CLCN3: variants seen among roughly 807,000 people sequenced by gnomAD.
The protein encoded by CLCN3 is Cl-/H+ antiporter 3.
Under a neutral mutation model 83.4 loss-of-function variants are expected in CLCN3, and 16 were observed. That is an observed-to-expected ratio of 0.19 (90% CI 0.13 to 0.29). CLCN3 has a LOEUF of 0.29. Ranked by LOEUF, CLCN3 falls within the 10% of genes least tolerant of loss-of-function variation. The pLI, the probability that CLCN3 is intolerant of heterozygous loss-of-function variation, is 1.00. For synonymous variants in CLCN3, 322 were observed against 346.2 expected (o/e 0.93, Z 0.78); for missense variants, 544 against 1,006.0 (o/e 0.54, Z 6.21).
chr4:169,651,663 A>C, intron 2 of CLCN3, among the ~76,000 whole-genome samples: 1 of 152,228 alleles, frequency 6.6e-6, no homozygotes, highest in Non-Finnish European at 1.5e-5. Flanking sequence ...GACAAGAAGA[A>C]GAAGCCTGTT....
chr4:169,723,221 C>T lies in CLCN3; in HGVS notation c.*3224C>T, dbSNP rs1295886446. On this transcript the variant is annotated 3_prime_UTR_variant, in exon 13 of 13. Coordinates refer to ENST00000513761, the MANE Select transcript of CLCN3 (RefSeq NM_001829.4). ...GGCCTTTAATTATATCTGTAACAGT[C>T]CTCCCTCTTCACTGCTGCCCTACGC... 6.6e-6 allele frequency: 1 copy of T among 152,158 alleles called. No homozygotes were observed. The highest frequency in any genetic ancestry group is 6.5e-5 in the Admixed American group (1 of 15,280). The allele number at this position is 152,158 out of a possible 1,614,324, so 9.4% of individuals were successfully genotyped here.
chr4:169,635,087 T>G (rs1773469977), intron 1 of CLCN3, among the ~76,000 whole-genome samples: 1 of 152,180 alleles, frequency 6.6e-6, no homozygotes. Context: ...AATTGAACTG[T>G]GCTTACTTTA....
intron 2 of CLCN3, among the ~76,000 whole-genome samples, chr4:169,637,255 G>A (rs1345601848): frequency 6.6e-6 from 1 of 151,208 alleles, no homozygotes; most frequent in Non-Finnish European, 1.5e-5. Context: ...ATACATGTAC[G>A]GTATTGCAGT....
chr4:169,638,679 A>G lies in CLCN3; in HGVS notation c.160+2591A>G, dbSNP rs1278218609. On this transcript the variant is annotated intron_variant, in intron 2 of 12. Transcript: ENST00000513761. Reference sequence around the variant, plus strand: ...AAGAGCTGACTCCTTCCACCTTCCCACGTTGCCGTCAAGTGCTGGTGATGT... The same window carrying G: ...AAGAGCTGACTCCTTCCACCTTCCCGCGTTGCCGTCAAGTGCTGGTGATGT... Among the ~76,000 whole-genome samples, 7 of 152,252 alleles carry G rather than the reference A, an allele frequency of 4.6e-5. No homozygotes were observed. In the East Asian group the frequency reaches 1.4e-3, roughly 29 times the overall value.
intron 2 of CLCN3, among the ~76,000 whole-genome samples, chr4:169,636,751 T>C (rs1432345877): frequency 6.7e-6 from 1 of 149,440 alleles, no homozygotes; most frequent in South Asian, 2.1e-4. Context: ...TTTTTTTTTT[T>C]CATATTTTGG....
chr4:169,622,949 A>C (rs913200721), intron 1 of CLCN3, among the ~76,000 whole-genome samples: 2 of 152,198 alleles, frequency 1.3e-5, no homozygotes, highest in Non-Finnish European at 2.9e-5. Context: ...AAACATTTTA[A>C]TTTTTTAAAT....
chr4:169,712,752 T>G (rs1299443819), intron 11 of CLCN3, among the ~76,000 whole-genome samples: 1 of 152,320 alleles, frequency 6.6e-6, no homozygotes, highest in Non-Finnish European at 1.5e-5. Context: ...GTGCAGGTTT[T>G]AAAATCCCGT....
chr4:169,683,761 T>C (rs1732041840), intron 3 of CLCN3, among the ~76,000 whole-genome samples: 1 of 152,044 alleles, frequency 6.6e-6, no homozygotes, highest in South Asian at 2.1e-4. Context: ...TTTTTTTTTT[T>C]TAAGCAGAGT....
intron 2 of CLCN3, 77 bp from the exon 3 acceptor site, chr4:169,679,958 CTGTATGACTTAATAA>C (rs1731870148): frequency 4.0e-6 from 4 of 1,006,972 alleles, no homozygotes; most frequent in Non-Finnish European, 6.3e-6. Context: ...GGGATTATTT[CTGTATGACTTAATAA>C]TGAATTTCTA....
chr4:169,661,407 A>G (rs1731052749), intron 2 of CLCN3, among the ~76,000 whole-genome samples: 1 of 152,108 alleles, frequency 6.6e-6, no homozygotes, highest in African/African-American at 2.4e-5. Flanking sequence ...TTTCTAATAT[A>G]ATTAGCCTGC....
intron 2 of CLCN3, among the ~76,000 whole-genome samples, chr4:169,640,729 T>C (rs1157344900): frequency 6.6e-6 from 1 of 152,156 alleles, no homozygotes; most frequent in African/African-American, 2.4e-5. Flanking sequence ...TCTTGACTCA[T>C]TGAAAATGAA....
chr4:169,690,503 C>G (rs1360933371), intron 5 of CLCN3, 27 bp from the exon 6 acceptor site: 3 of 1,595,744 alleles, frequency 1.9e-6, no homozygotes, highest in East Asian at 4.5e-5. Context: ...AAATTAAATT[C>G]ATACTCTCGA....
intron 7 of CLCN3, among the ~76,000 whole-genome samples, chr4:169,695,382 A>C (rs1261899432): frequency 6.6e-6 from 1 of 152,182 alleles, no homozygotes; most frequent in Non-Finnish European, 1.5e-5. Context: ...ATCTGGCAAA[A>C]ATTTTTTTTA....
chr4:169,633,754 A>T (rs1044000781), intron 1 of CLCN3, among the ~76,000 whole-genome samples: 1 of 152,248 alleles, frequency 6.6e-6, no homozygotes, highest in Admixed American at 6.5e-5. Flanking sequence ...ATATTTCAAC[A>T]TGTAATCAGT....
chr4:169,643,405 T>C (rs111884490), intron 2 of CLCN3, among the ~76,000 whole-genome samples: 11,436 of 152,108 alleles, frequency 0.075, 482 homozygotes, highest in African/African-American at 0.12. Flanking sequence ...TAATTTTTTG[T>C]ATTTAGTAGA....
chr4:169,677,358 T>C (rs1731720712), intron 2 of CLCN3, among the ~76,000 whole-genome samples: 1 of 152,200 alleles, frequency 6.6e-6, no homozygotes, highest in Non-Finnish European at 1.5e-5. Flanking sequence ...TAAAGTTTTA[T>C]CAGAACACAT....
chr4:169,671,481 A>G (rs1731455309), intron 2 of CLCN3, among the ~76,000 whole-genome samples: 1 of 152,146 alleles, frequency 6.6e-6, no homozygotes, highest in Non-Finnish European at 1.5e-5. Flanking sequence ...GAGCATTAGG[A>G]CAAATACATA....
intron 3 of CLCN3, chr4:169,680,704 C>T (rs1404085854): frequency 6.6e-6 from 1 of 152,576 alleles, no homozygotes; most frequent in African/African-American, 2.4e-5. Context: ...CAATTTGGCT[C>T]CCAAATAAAG....
intron 3 of CLCN3, among the ~76,000 whole-genome samples, chr4:169,684,388 G>A (rs753496190): frequency 2.4e-4 from 37 of 152,046 alleles, no homozygotes; most frequent in Non-Finnish European, 4.4e-4. Context: ...TGCTTGTTTG[G>A]TTGTTTTTTT....
Sources: gnomAD v4.1 joint callset for allele counts (sites outside exome capture counted in the v4.1 genomes callset) on GRCh38, gnomAD v4.1.1 for gene constraint, MANE v1.5 for transcripts, NCBI Gene and HGNC (gene_info 2026-07-23, HGNC 2026-07-21) for gene names.